The following VPS45 variants were observed in gnomAD, a reference collection of about 807,000 sequenced individuals.
VPS45 encodes the protein vacuolar protein sorting-associated protein 45.
Under a neutral mutation model 75.9 loss-of-function variants are expected in VPS45, and 35 were observed. That is an observed-to-expected ratio of 0.46 (90% CI 0.35 to 0.61). The LOEUF (loss-of-function observed/expected upper bound fraction) is 0.61. VPS45 is among the 20% of genes least tolerant of loss of function. The probability of loss-of-function intolerance (pLI) is 0.00; values close to 1 mark genes in which losing one functional copy is unlikely to be tolerated. For synonymous variants in VPS45, 220 were observed against 238.2 expected, an observed-to-expected ratio of 0.92 and a Z score of 0.70; for missense variants, 559 against 685.9, an observed-to-expected ratio of 0.81 and a Z score of 2.07.
At chr1:150,113,451 G>T (rs1657752716) in intron 14 of VPS45, among the ~76,000 whole-genome samples, 1 of 152,144 alleles carries the variant, frequency 6.6e-6, no homozygotes, top group African/African-American at 2.4e-5. Flanking sequence ...TGAGTGTAAT[G>T]ATCAAGAAAT....
At position 150,144,977 on chromosome 1, in the gene VPS45, A is replaced by G. The variant is rs1659601628; in HGVS notation, c.*181A>G. The stretch of plus-strand genomic sequence containing the variant: ...GACTCCCAGAGTTGTCCTAACAATA[A>G]GTCTGAGCCCATCTCAACCCACTTT... On this transcript the variant is annotated 3_prime_UTR_variant, in exon 15 of 15. Coordinates refer to ENST00000644510, the MANE Select transcript of VPS45 (RefSeq NM_007259.5). 2 of 1,502,298 alleles carry G rather than the reference A, an allele frequency of 1.3e-6. No homozygotes were observed. Among genetic ancestry groups the G allele is most frequent in the Non-Finnish European group, 1.8e-6 (2 of 1,121,956 alleles). The allele number at this position is 1,502,298 out of a possible 1,614,324, so 93.1% of individuals were successfully genotyped here.
At position 150,093,524 on chromosome 1, in the gene VPS45, T is replaced by C. The variant is rs781861266; in HGVS notation, c.1372-3T>C. 6.2e-7 allele frequency: 1 copy of C among 1,611,458 alleles called. No homozygotes were observed. Among genetic ancestry groups the C allele is most frequent in the African/African-American group, 1.3e-5 (1 of 74,800 alleles). ...ACATAAGAACCATTTTCCCCTGTTT[T>C]AGGGAGTAGAAAATGTATATACACA... On this transcript the variant is annotated splice_polypyrimidine_tract_variant and splice_region_variant and intron_variant, in intron 12 of 14. Coordinates refer to ENST00000644510, the MANE Select transcript of VPS45 (RefSeq NM_007259.5).
intron 13 of VPS45, among the ~76,000 whole-genome samples, chr1:150,102,444 G>A (rs1272285283): frequency 6.6e-6 from 1 of 151,908 alleles, no homozygotes; most frequent in East Asian, 1.9e-4. Context: ...AGCTGCTTGG[G>A]AGGCTGAGGC....
chr1:150,108,787 C>T (rs182387639), intron 13 of VPS45, among the ~76,000 whole-genome samples: 1 of 152,260 alleles, frequency 6.6e-6, no homozygotes, highest in East Asian at 1.9e-4. Flanking sequence ...GCGTAGTTCA[C>T]AGTAGGATTT....
intron 13 of VPS45, among the ~76,000 whole-genome samples, chr1:150,104,163 G>A (rs186908221): frequency 6.4e-4 from 98 of 152,094 alleles, no homozygotes; most frequent in Middle Eastern, 3.4e-3. Context: ...TAATTTTTCA[G>A]TCATCTCCCT....
At chr1:150,091,899 G>C in intron 10 of VPS45, 38 bp from the exon 11 acceptor site, 1 of 1,597,918 alleles carries the variant, frequency 6.3e-7, no homozygotes. Flanking sequence ...GATGACTCAA[G>C]TGAAAGGGGG....
chr1:150,119,034 A>G (rs922725463), intron 14 of VPS45, among the ~76,000 whole-genome samples: 1 of 152,194 alleles, frequency 6.6e-6, no homozygotes, highest in African/African-American at 2.4e-5. Flanking sequence ...TTGTAAATAG[A>G]TAGCCCTAGC....
intron 13 of VPS45, among the ~76,000 whole-genome samples, chr1:150,107,910 A>AT (rs1657420030): frequency 6.6e-6 from 1 of 152,152 alleles, no homozygotes; most frequent in African/African-American, 2.4e-5. Flanking sequence ...TCAAAAAAAA[A>AT]GCAAATTTGA....
At chr1:150,082,613 T>C in intron 9 of VPS45, 103 bp from the exon 10 acceptor site, 2 of 1,411,462 alleles carry the variant, frequency 1.4e-6, no homozygotes, top group Non-Finnish European at 1.9e-6. Context: ...TGCTTTAATC[T>C]GGGCTGAAAA....
chr1:150,102,672 A>G (rs1046116920), intron 13 of VPS45, among the ~76,000 whole-genome samples: 3 of 152,224 alleles, frequency 2.0e-5, no homozygotes, highest in African/African-American at 7.2e-5. Context: ...CATATACACC[A>G]TGGAATGTTA....
chr1:150,133,610 G>A (rs1658935213), intron 14 of VPS45, among the ~76,000 whole-genome samples: 2 of 152,132 alleles, frequency 1.3e-5, no homozygotes, highest in African/African-American at 4.8e-5. Context: ...CTACAGCTGG[G>A]CTATTTGGGG....
At position 150,144,691 on chromosome 1, in the gene VPS45, C is replaced by T. The variant is rs2101672245; in HGVS notation, c.1626-18C>T. The stretch of plus-strand genomic sequence containing the variant: ...TGCTTTTGTTTTTTCCTTCAAGTAA[C>T]CTCAAACTACTTATCAGTTTCCTAG... On this transcript the variant is annotated intron_variant, in intron 14 of 14. Coordinates refer to ENST00000644510, the MANE Select transcript of VPS45 (RefSeq NM_007259.5). The T allele has an allele frequency of 1.3e-6, 2 of 1,598,142 alleles. No homozygotes were observed. Among genetic ancestry groups the T allele is most frequent in the East Asian group, 2.2e-5 (1 of 44,666 alleles).
intron 13 of VPS45, among the ~76,000 whole-genome samples, chr1:150,099,469 G>A (rs587773466): frequency 4.0e-5 from 6 of 150,304 alleles, no homozygotes; most frequent in East Asian, 2.0e-4. Context: ...CCAAGATTGC[G>A]CCACTGCACT....
At chr1:150,123,658 C>T (rs1658353473) in intron 14 of VPS45, among the ~76,000 whole-genome samples, 1 of 152,174 alleles carries the variant, frequency 6.6e-6, no homozygotes, top group African/African-American at 2.4e-5. Flanking sequence ...GAGTTCTAGT[C>T]CCTGCCAGCA....
chr1:150,112,137 C>T (rs1553807287), intron 14 of VPS45, among the ~76,000 whole-genome samples: 2 of 152,164 alleles, frequency 1.3e-5, no homozygotes, highest in East Asian at 3.9e-4. Flanking sequence ...GCCCATTCCA[C>T]AATTGAAGTA....
chr1:150,091,059 C>G (rs1372014497), intron 10 of VPS45, among the ~76,000 whole-genome samples: 3 of 152,200 alleles, frequency 2.0e-5, no homozygotes, highest in African/African-American at 7.2e-5. Flanking sequence ...AATATGCCTT[C>G]TGTGTTAAAC....
intron 14 of VPS45, among the ~76,000 whole-genome samples, chr1:150,135,291 TC>T (rs1438654557): frequency 1.3e-5 from 2 of 152,304 alleles, no homozygotes; most frequent in East Asian, 3.8e-4. Flanking sequence ...TGACAGAGTC[TC>T]ACACTTGTCA....
intron 13 of VPS45, chr1:150,099,039 C>T: frequency 9.2e-7 from 1 of 1,092,836 alleles, no homozygotes; most frequent in Non-Finnish European, 1.1e-6. Context: ...TTTTCATTGG[C>T]CTTTTTTCCT....
intron 10 of VPS45, among the ~76,000 whole-genome samples, chr1:150,086,530 A>G (rs1411591358): frequency 6.6e-6 from 1 of 152,102 alleles, no homozygotes; most frequent in Non-Finnish European, 1.5e-5. Flanking sequence ...CATTAAAATT[A>G]TAAGAAAAGT....
Sources: allele counts gnomAD v4.1 joint callset (sites outside exome capture counted in the v4.1 genomes callset), GRCh38; gene constraint gnomAD v4.1.1; transcripts MANE v1.5; gene names NCBI Gene and HGNC (gene_info 2026-07-23, HGNC 2026-07-21).